LHFPL2: variants seen among roughly 807,000 people sequenced by gnomAD.
The protein encoded by LHFPL2 is LHFPL tetraspan subfamily member 2 protein.
In LHFPL2, 7 loss-of-function variants were observed where a neutral mutation model predicts 17.5. The observed-to-expected ratio is 0.40, with a 90% CI of 0.23 to 0.75. The LOEUF (loss-of-function observed/expected upper bound fraction) is 0.75. Ranked by LOEUF, LHFPL2 falls within the 30% of genes least tolerant of loss-of-function variation. The pLI is 0.37. For synonymous variants in LHFPL2, 134 were observed against 116.2 expected, an observed-to-expected ratio of 1.15 and a Z score of -0.99; for missense variants, 241 against 294.8, an observed-to-expected ratio of 0.82 and a Z score of 1.34.
intron 2 of LHFPL2, among the ~76,000 whole-genome samples, chr5:78,596,236 T>C (rs191025619): frequency 7.8e-4 from 119 of 152,288 alleles, no homozygotes; most frequent in African/African-American, 2.5e-3. Flanking sequence ...TGAAAAGATA[T>C]ACAGTTACAA....
chr5:78,544,975 CG>C (rs1172848164), intron 3 of LHFPL2, among the ~76,000 whole-genome samples: 6 of 152,076 alleles, frequency 3.9e-5, no homozygotes, highest in Non-Finnish European at 8.8e-5. Context: ...GGAGAGTGCA[CG>C]CATTTCCTCT....
chr5:78,577,006 G>T (rs1226710047), intron 2 of LHFPL2, among the ~76,000 whole-genome samples: 2 of 152,222 alleles, frequency 1.3e-5, no homozygotes, highest in African/African-American at 4.8e-5. Flanking sequence ...AATAGGTTCA[G>T]TCCAGTCAGC....
chr5:78,550,978 A>G (rs1385927762), intron 3 of LHFPL2, among the ~76,000 whole-genome samples: 1 of 152,224 alleles, frequency 6.6e-6, no homozygotes, highest in East Asian at 1.9e-4. Context: ...AGTGATTCTT[A>G]CCTCATTCAC....
At chr5:78,579,753 T>A (rs1350848228) in intron 2 of LHFPL2, among the ~76,000 whole-genome samples, 1 of 152,212 alleles carries the variant, frequency 6.6e-6, no homozygotes, top group Non-Finnish European at 1.5e-5. Flanking sequence ...TTGTTGGACA[T>A]TTGGGTTGGT....
intron 3 of LHFPL2, among the ~76,000 whole-genome samples, chr5:78,533,745 A>G (rs569027743): frequency 6.6e-6 from 1 of 152,360 alleles, no homozygotes; most frequent in East Asian, 1.9e-4. Context: ...AACTCTGCCA[A>G]GCATTTATCA....
chr5:78,519,526 A>C (rs1755386782), intron 3 of LHFPL2, among the ~76,000 whole-genome samples: 1 of 152,186 alleles, frequency 6.6e-6, no homozygotes, highest in African/African-American at 2.4e-5. Flanking sequence ...TGTAAGAATG[A>C]TTCAGTCTGG....
chr5:78,629,974 C>T (rs1484522961), intron 2 of LHFPL2, among the ~76,000 whole-genome samples: 1 of 152,232 alleles, frequency 6.6e-6, no homozygotes, highest in African/African-American at 2.4e-5. Context: ...GTCCAAAACA[C>T]GTATGACAAG....
intron 3 of LHFPL2, among the ~76,000 whole-genome samples, chr5:78,564,386 T>C (rs1289082170): frequency 6.6e-6 from 1 of 152,212 alleles, no homozygotes; most frequent in Non-Finnish European, 1.5e-5. Context: ...CCACAAGCCT[T>C]CCATATGAGC....
At chr5:78,602,837 A>T (rs1007942005) in intron 2 of LHFPL2, among the ~76,000 whole-genome samples, 1 of 152,086 alleles carries the variant, frequency 6.6e-6, no homozygotes, top group African/African-American at 2.4e-5. Flanking sequence ...CATAGCAATT[A>T]TCTTATTTAA....
intron 2 of LHFPL2, among the ~76,000 whole-genome samples, chr5:78,571,072 C>T (rs569598689): frequency 2.6e-5 from 4 of 152,124 alleles, no homozygotes; most frequent in South Asian, 2.1e-4. Flanking sequence ...GAAAAGCCTC[C>T]GGTTCCTTCT....
chr5:78,588,370 T>C (rs1167339079), intron 2 of LHFPL2, among the ~76,000 whole-genome samples: 2 of 152,168 alleles, frequency 1.3e-5, no homozygotes, highest in East Asian at 3.8e-4. Context: ...AACATTTCTT[T>C]AAAAAAATTT....
At chr5:78,643,212 C>T (rs1471573473) in intron 1 of LHFPL2, among the ~76,000 whole-genome samples, 1 of 152,076 alleles carries the variant, frequency 6.6e-6, no homozygotes, top group Non-Finnish European at 1.5e-5. Context: ...TCCAAGCCTT[C>T]TAGACTCCAA....
intron 2 of LHFPL2, among the ~76,000 whole-genome samples, chr5:78,582,979 G>A (rs925177311): frequency 1.2e-4 from 19 of 152,112 alleles, no homozygotes; most frequent in Non-Finnish European, 2.2e-4. Flanking sequence ...CCTGTATTGG[G>A]TGCATATATA....
intron 4 of LHFPL2, among the ~76,000 whole-genome samples, chr5:78,507,247 T>A (rs1754958161): frequency 6.6e-6 from 1 of 151,938 alleles, no homozygotes; most frequent in African/African-American, 2.4e-5. Context: ...GGAGAATCGC[T>A]TGAAACTGGG....
At chr5:78,548,292 G>A (rs1176198649) in intron 3 of LHFPL2, among the ~76,000 whole-genome samples, 1 of 152,258 alleles carries the variant, frequency 6.6e-6, no homozygotes, top group Non-Finnish European at 1.5e-5. Flanking sequence ...GGGGCATGGA[G>A]AAGGTAGTGG....
At chr5:78,563,705 A>T (rs1340383422) in intron 3 of LHFPL2, among the ~76,000 whole-genome samples, 1 of 151,824 alleles carries the variant, frequency 6.6e-6, no homozygotes, top group Non-Finnish European at 1.5e-5. Context: ...CACTTCAAAA[A>T]AAAAAAAAAA....
At chr5:78,501,999 TA>T (rs148475813) in intron 4 of LHFPL2, among the ~76,000 whole-genome samples, 6 of 147,628 alleles carry the variant, frequency 4.1e-5, no homozygotes, top group Admixed American at 2.0e-4. Context: ...AAGTGTCAAT[TA>T]AAAAAAAAAG....
intron 2 of LHFPL2, among the ~76,000 whole-genome samples, chr5:78,575,507 C>T (rs1448678297): frequency 6.6e-6 from 1 of 152,044 alleles, no homozygotes; most frequent in Non-Finnish European, 1.5e-5. Context: ...CAAGATTGCG[C>T]CACTGCACTC....
At chr5:78,527,155 T>G (rs1755642896) in intron 3 of LHFPL2, among the ~76,000 whole-genome samples, 1 of 152,214 alleles carries the variant, frequency 6.6e-6, no homozygotes, top group African/African-American at 2.4e-5. Context: ...AGTCACCATT[T>G]CCATTGCTGG....
Sources: allele counts gnomAD v4.1 joint callset (sites outside exome capture counted in the v4.1 genomes callset), GRCh38; gene constraint gnomAD v4.1.1; transcripts MANE v1.5; gene names NCBI Gene and HGNC (gene_info 2026-07-23, HGNC 2026-07-21).